Variants in CCDC187 observed in about 807,000 individuals in gnomAD.
CCDC187 encodes the protein coiled-coil domain containing 187, also known as coiled-coil domain-containing protein 187.
In CCDC187, 32 loss-of-function variants were observed where a neutral mutation model predicts 38.0. The observed-to-expected ratio is 0.84, with a 90% confidence interval of 0.64 to 1.13. The LOEUF (loss-of-function observed/expected upper bound fraction) is 1.13, where lower values mean the gene tolerates loss of function less well. Ranked by LOEUF, CCDC187 falls within the 50% of genes most tolerant of loss-of-function variation. The pLI is 0.00. For missense variants in CCDC187, 707 were observed against 786.8 expected, an observed-to-expected ratio of 0.90 and a Z score of 1.21; for synonymous variants, 333 against 347.9, an observed-to-expected ratio of 0.96 and a Z score of 0.48.
intron 2 of CCDC187, 125 bp from the exon 3 acceptor site, chr9:136,300,443 T>G (rs921828348): frequency 2.6e-6 from 1 of 385,158 alleles, no homozygotes; most frequent in Non-Finnish European, 4.6e-6. Context: ...AGACAGGGTC[T>G]CACTCTGTCA....
intron 4 of CCDC187, among the ~76,000 whole-genome samples, chr9:136,294,725 A>G (rs897514770): frequency 9.8e-5 from 15 of 152,308 alleles, no homozygotes; most frequent in African/African-American, 3.4e-4. Flanking sequence ...TGCACCCACC[A>G]GGCCATGCCC....
At chr9:136,281,836 C>T (rs995853846) in intron 9 of CCDC187, among the ~76,000 whole-genome samples, 173 bp from the exon 10 acceptor site, 17,817 of 151,944 alleles carry the variant, frequency 0.12, 1,395 homozygotes, top group Admixed American at 0.2. Flanking sequence ...AAAAGCCTGG[C>T]GGGGGAAGGG....
chr9:136,298,018 G>A (rs938093695), intron 3 of CCDC187, among the ~76,000 whole-genome samples, 197 bp from the exon 4 acceptor site: 1 of 152,218 alleles, frequency 6.6e-6, no homozygotes, highest in African/African-American at 2.4e-5. Flanking sequence ...TGACTGTCAC[G>A]TCCCCTGCAG....
chr9:136,287,318 C>T (rs1455029233), intron 7 of CCDC187, among the ~76,000 whole-genome samples: 6 of 152,178 alleles, frequency 3.9e-5, no homozygotes, highest in African/African-American at 1.4e-4. Flanking sequence ...AGAAATGAGC[C>T]TGGCCGGTCT....
At chr9:136,275,063 G>A (rs2131212393) in intron 12 of CCDC187, 56 bp from the exon 13 acceptor site, 1 of 152,582 alleles carries the variant, frequency 6.6e-6, no homozygotes, top group East Asian at 1.9e-4. Context: ...CCACAATTGT[G>A]GGCATTGGGT....
At chr9:136,293,209 A>C (rs1831387581) in intron 4 of CCDC187, among the ~76,000 whole-genome samples, 1 of 143,420 alleles carries the variant, frequency 7.0e-6, no homozygotes, top group African/African-American at 2.6e-5. Context: ...ACTCACAAAC[A>C]CATGCTCACA....
At chr9:136,294,876 G>A (rs991341211) in intron 4 of CCDC187, among the ~76,000 whole-genome samples, 7 of 152,228 alleles carry the variant, frequency 4.6e-5, no homozygotes, top group Non-Finnish European at 7.3e-5. Context: ...CAAGGTAGAG[G>A]AAGGTTTAGG....
intron 14 of CCDC187, among the ~76,000 whole-genome samples, chr9:136,271,187 T>G (rs1300100263): frequency 1.2e-4 from 18 of 151,998 alleles, no homozygotes; most frequent in Non-Finnish European, 2.2e-4. Flanking sequence ...TTGAAGAAAA[T>G]GAAAAATCCA....
intron 4 of CCDC187, among the ~76,000 whole-genome samples, chr9:136,293,250 C>A (rs1026968424): frequency 6.8e-6 from 1 of 146,264 alleles, no homozygotes; most frequent in Non-Finnish European, 1.5e-5. Context: ...CACTCACATG[C>A]TTACACACTC....
At chr9:136,288,044 G>A (rs1272124677) in intron 7 of CCDC187, among the ~76,000 whole-genome samples, 3 of 152,168 alleles carry the variant, frequency 2.0e-5, no homozygotes, top group Non-Finnish European at 2.9e-5. Context: ...GATGAAGTGA[G>A]ATGAGGCCCT....
chr9:136,299,778 GT>G, intron 3 of CCDC187, among the ~76,000 whole-genome samples: 1 of 152,268 alleles, frequency 6.6e-6, no homozygotes, highest in East Asian at 1.9e-4. Context: ...ACGGTTCAGC[GT>G]TTCCCCATCT....
upstream of CCDC187, among the ~76,000 whole-genome samples, chr9:136,304,514 C>T (rs1217102225): frequency 6.6e-6 from 1 of 152,232 alleles, no homozygotes; most frequent in Non-Finnish European, 1.5e-5. Flanking sequence ...CCCACAGTGA[C>T]AGTGGCAGAG....
rs572561165 is a variant in CCDC187, at chr9:136,258,524, T to C, written c.4366+408A>G. On this transcript the variant is annotated intron_variant, in intron 22 of 25. Transcript: ENST00000638797. The surrounding 1 kb of genome is among the most constrained non-coding windows in gnomAD (Gnocchi z 4.3). ...CATCTGCTCCCGCCCCACCTGCAAATTGGGGACTTGGCTCTCGGGGGGGGC... is the reference window on the plus strand; with the variant it reads ...CATCTGCTCCCGCCCCACCTGCAAACTGGGGACTTGGCTCTCGGGGGGGGC... Among the ~76,000 whole-genome samples, 63 of 151,824 alleles carry C rather than the reference T, an allele frequency of 4.1e-4. No homozygotes were observed. Among genetic ancestry groups the C allele is most frequent in the African/African-American group, 1.3e-3 (53 of 41,476 alleles).
chr9:136,280,023 A>G (rs1831008597), intron 10 of CCDC187, among the ~76,000 whole-genome samples: 1 of 152,220 alleles, frequency 6.6e-6, no homozygotes, highest in South Asian at 2.1e-4. Context: ...CAGAACTGTG[A>G]GCCAATACAT....
At chr9:136,270,322 C>T (rs369123799) in intron 14 of CCDC187, among the ~76,000 whole-genome samples, 11 of 152,236 alleles carry the variant, frequency 7.2e-5, no homozygotes, top group Middle Eastern at 3.4e-3. Flanking sequence ...TACAAGACAA[C>T]GGGGCAGGGT....
At chr9:136,279,058 G>C (rs1009966313) in intron 10 of CCDC187, among the ~76,000 whole-genome samples, 5 of 151,252 alleles carry the variant, frequency 3.3e-5, no homozygotes, top group African/African-American at 1.2e-4. Context: ...AATCTAGAAG[G>C]TTCCATGGAC....
rs1831247907 is a variant in CCDC187, at chr9:136,289,056, T to C, written c.2222+903A>G. ...ACGAGGTTGTGAAGAAAAGGTCACC[T>C]GCCCACAGCCGGGCATTATTCAGCC... On this transcript the variant is annotated intron_variant, in intron 7 of 25. Coordinates refer to ENST00000638797, the MANE Select transcript of CCDC187 (RefSeq NM_001378188.1). 2.0e-5 allele frequency among the ~76,000 whole-genome samples: 3 copies of C among 152,222 alleles called. No individual in the cohort carries two copies. In the South Asian group the frequency reaches 6.2e-4, roughly 32 times the overall value.
upstream of CCDC187, among the ~76,000 whole-genome samples, chr9:136,305,564 C>T (rs1194603150): frequency 6.6e-6 from 1 of 152,236 alleles, no homozygotes; most frequent in Non-Finnish European, 1.5e-5. Context: ...CCTGGGCTCT[C>T]AGCCCTGCTC....
intron 15 of CCDC187, 140 bp from the exon 16 acceptor site, chr9:136,267,651 T>C: frequency 1.0e-6 from 1 of 977,968 alleles, no homozygotes; most frequent in Non-Finnish European, 1.2e-6. Context: ...CGAGAAGCCC[T>C]CTCGGACTGC....
Sources: allele counts gnomAD v4.1 joint callset (sites outside exome capture counted in the v4.1 genomes callset), GRCh38; gene constraint gnomAD v4.1.1; non-coding constraint Gnocchi (gnomAD v3.1); transcripts MANE v1.5; gene names NCBI Gene and HGNC (gene_info 2026-07-23, HGNC 2026-07-21).